Variants in QKI observed in about 807,000 individuals in gnomAD.
The protein encoded by QKI is QKI, KH domain containing RNA binding.
Under a neutral mutation model 39.0 loss-of-function variants are expected in QKI, and 10 were observed. The ratio of observed to expected loss-of-function variants is 0.26; its 90% CI spans 0.16 to 0.43. The LOEUF is 0.43. Ranked by LOEUF, QKI falls within the 20% of genes least tolerant of loss-of-function variation. The pLI is 1.00. For synonymous variants in QKI, 204 were observed against 155.4 expected, an observed-to-expected ratio of 1.31 and a Z score of -2.33; for missense variants, 218 against 428.0, an observed-to-expected ratio of 0.51 and a Z score of 4.33.
At chr6:163,508,162 A>G (rs1779213183) in intron 3 of QKI, among the ~76,000 whole-genome samples, 1 of 152,216 alleles carries the variant, frequency 6.6e-6, no homozygotes, top group Non-Finnish European at 1.5e-5. Context: ...GTGGTCTGAC[A>G]TATGTATAAT....
At chr6:163,430,139 A>C (rs1287264853) in intron 1 of QKI, among the ~76,000 whole-genome samples, 1 of 152,174 alleles carries the variant, frequency 6.6e-6, no homozygotes, top group Non-Finnish European at 1.5e-5. Context: ...AGGAAGGTGT[A>C]AATAATTCTC....
intron 4 of QKI, among the ~76,000 whole-genome samples, chr6:163,544,562 A>T (rs1781751110): frequency 6.6e-6 from 1 of 152,094 alleles, no homozygotes; most frequent in Non-Finnish European, 1.5e-5. Context: ...TCCTCAAGAT[A>T]TCAGTAATAG....
chr6:163,496,726 G>A (rs73244785), intron 3 of QKI, among the ~76,000 whole-genome samples: 2,988 of 152,070 alleles, frequency 0.02, 97 homozygotes, highest in African/African-American at 0.068. Flanking sequence ...CTCATCATAG[G>A]GCTTTGGTGT....
intron 3 of QKI, among the ~76,000 whole-genome samples, chr6:163,513,070 T>G (rs1312302878): frequency 1.3e-5 from 2 of 152,154 alleles, no homozygotes; most frequent in Non-Finnish European, 2.9e-5. Flanking sequence ...ATACTCTATT[T>G]TATTGTTGTT....
At chr6:163,570,554 G>GA in intron 7 of QKI, 140 bp from the exon 8 acceptor site, 1 of 1,462,678 alleles carries the variant, frequency 6.8e-7, no homozygotes, top group Non-Finnish European at 9.0e-7. Flanking sequence ...CAGTTTGTCA[G>GA]AATTAAACAT....
At chr6:163,566,478 G>A in intron 6 of QKI, 2 of 1,331,748 alleles carry the variant, frequency 1.5e-6, no homozygotes, top group Non-Finnish European at 1.9e-6. Flanking sequence ...TGTAACTTGG[G>A]GATTGTAAAT....
chr6:163,557,256 A>G (rs1223818034), intron 4 of QKI, among the ~76,000 whole-genome samples: 1 of 152,232 alleles, frequency 6.6e-6, no homozygotes, highest in African/African-American at 2.4e-5. Flanking sequence ...AGTCTAGGCA[A>G]GTTAAATCAG....
Position 163,444,616 on chromosome 6 carries a change from A to G in QKI, c.143-10663A>G, listed in dbSNP as rs746494064. ...AAAGTCATCTGTAGTTGAGGTTAACATTAGATCTTTTATCTGTGGATATTT... is the reference window on the plus strand; with the variant it reads ...AAAGTCATCTGTAGTTGAGGTTAACGTTAGATCTTTTATCTGTGGATATTT... On this transcript the variant is annotated intron_variant, in intron 1 of 7. Coordinates refer to ENST00000361752, the MANE Select transcript of QKI (RefSeq NM_006775.3). 1.3e-3 allele frequency among the ~76,000 whole-genome samples: 203 copies of G among 152,358 alleles called. 1 individual carries two copies. The highest frequency in any genetic ancestry group is 2.0e-3 in the Non-Finnish European group (134 of 68,030).
At chr6:163,444,235 G>A (rs1437532425) in intron 1 of QKI, among the ~76,000 whole-genome samples, 3 of 152,194 alleles carry the variant, frequency 2.0e-5, no homozygotes, top group African/African-American at 7.2e-5. Context: ...TCTGTAAGAA[G>A]ACAAAGAGAT....
chr6:163,562,512 T>G (rs895485637), intron 5 of QKI, among the ~76,000 whole-genome samples: 2 of 152,216 alleles, frequency 1.3e-5, no homozygotes, highest in Admixed American at 1.3e-4. Flanking sequence ...ATGTTTTCCC[T>G]CTAGTATTTT....
At chr6:163,554,942 C>T (rs1246297770) in intron 4 of QKI, among the ~76,000 whole-genome samples, 1 of 152,122 alleles carries the variant, frequency 6.6e-6, no homozygotes, top group African/African-American at 2.4e-5. Context: ...TTGTCACTTC[C>T]CTCTCATAAA....
At chr6:163,492,389 T>C (rs1562484265) in intron 3 of QKI, among the ~76,000 whole-genome samples, 1 of 152,176 alleles carries the variant, frequency 6.6e-6, no homozygotes, top group Non-Finnish European at 1.5e-5. Context: ...TAGTTTGGTG[T>C]TTTTAAATCA....
At chr6:163,539,195 T>A (rs750165427) in intron 4 of QKI, among the ~76,000 whole-genome samples, 2 of 152,040 alleles carry the variant, frequency 1.3e-5, no homozygotes, top group Non-Finnish European at 2.9e-5. Context: ...GCCCCTGGAT[T>A]TGGAGGAGAG....
chr6:163,533,621 C>T lies in QKI; in HGVS notation c.403-1361C>T, dbSNP rs1228274751. Among the ~76,000 whole-genome samples the T allele has an allele frequency of 2.0e-5, 3 of 152,130 alleles. No homozygotes were observed. The East Asian group carries it at 5.8e-4, about 29-fold the overall frequency. On this transcript the variant is annotated intron_variant, in intron 3 of 7. Coordinates refer to ENST00000361752, the MANE Select transcript of QKI (RefSeq NM_006775.3). The stretch of plus-strand genomic sequence containing the variant: ...ACCTAGCTTTGTAAAGATATGACAT[C>T]ATCAAAAAGAATGTAATGTGACCTT...
At position 163,494,928 on chromosome 6, in the gene QKI, T is replaced by A. The variant is rs1004254063; in HGVS notation, c.402+16032T>A. ...TTTTTATTATTTATTTATTTATTTT[T>A]TTTTTGAGACAGAGTCACACTCTGT... On this transcript the variant is annotated intron_variant, in intron 3 of 7. Coordinates refer to ENST00000361752, the MANE Select transcript of QKI (RefSeq NM_006775.3). Among the ~76,000 whole-genome samples the A allele has an allele frequency of 3.4e-3, 510 of 151,992 alleles. 3 individuals carry two copies. Among genetic ancestry groups the A allele is most frequent in the African/African-American group, 0.012 (481 of 41,486 alleles).
intron 3 of QKI, among the ~76,000 whole-genome samples, chr6:163,515,856 A>G (rs1779759445): frequency 6.6e-6 from 1 of 152,156 alleles, no homozygotes; most frequent in African/African-American, 2.4e-5. Flanking sequence ...AAGTCCAGCA[A>G]TTGACATTTG....
chr6:163,448,194 A>G (rs1790290285), intron 1 of QKI, among the ~76,000 whole-genome samples: 1 of 152,160 alleles, frequency 6.6e-6, no homozygotes, highest in Middle Eastern at 3.2e-3. Context: ...GTTGTGGACA[A>G]TTGTTAGTTT....
chr6:163,505,785 G>A (rs1286185728), intron 3 of QKI, among the ~76,000 whole-genome samples: 2 of 152,156 alleles, frequency 1.3e-5, no homozygotes, highest in Non-Finnish European at 1.5e-5. Context: ...GCTGGAATGA[G>A]TTAAGACTTT....
intron 3 of QKI, among the ~76,000 whole-genome samples, chr6:163,501,529 C>T (rs901738045): frequency 6.6e-6 from 1 of 152,110 alleles, no homozygotes; most frequent in Admixed American, 6.6e-5. Flanking sequence ...GAGGGAGAAC[C>T]CCGTTCCATG....
Sources: allele counts gnomAD v4.1 joint callset (sites outside exome capture counted in the v4.1 genomes callset), GRCh38; gene constraint gnomAD v4.1.1; transcripts MANE v1.5; gene names NCBI Gene and HGNC (gene_info 2026-07-23, HGNC 2026-07-21).